UTP20: variants seen among roughly 807,000 people sequenced by gnomAD.
The protein encoded by UTP20 is small subunit processome component 20 homolog.
In UTP20, 164 loss-of-function variants were observed where a neutral mutation model predicts 329.5. The observed-to-expected ratio is 0.50, with a 90% CI of 0.44 to 0.57. The LOEUF is 0.57. Ranked by LOEUF, UTP20 falls within the 20% of genes least tolerant of loss-of-function variation. The pLI is 0.00. For missense variants in UTP20, 3,055 were observed against 3,284.2 expected (o/e 0.93, Z 1.71); for synonymous variants, 1,151 against 1,159.3 (o/e 0.99, Z 0.14).
At chr12:101,365,373 C>A in intron 45 of UTP20, 86 bp from the exon 46 acceptor site, 1 of 956,724 alleles carries the variant, frequency 1.0e-6, no homozygotes, top group South Asian at 1.9e-5. Context: ...TATTAGAAAG[C>A]TAATATATAA....
intron 14 of UTP20, among the ~76,000 whole-genome samples, chr12:101,300,985 G>A (rs1225303646): frequency 6.6e-6 from 1 of 152,066 alleles, no homozygotes; most frequent in Non-Finnish European, 1.5e-5. Context: ...GACAGTAAAT[G>A]TTTTAGGTCT....
chr12:101,359,883 G>A (rs1869856534), intron 43 of UTP20, among the ~76,000 whole-genome samples: 2 of 152,116 alleles, frequency 1.3e-5, no homozygotes, highest in South Asian at 2.1e-4. Context: ...CCAATGAATG[G>A]AGAGGAAGCT....
intron 54 of UTP20, 27 bp downstream of exon 54, chr12:101,373,794 A>G (rs1385748263): frequency 6.2e-7 from 1 of 1,601,790 alleles, no homozygotes; most frequent in African/African-American, 1.4e-5. Context: ...GTCACAGTTC[A>G]GTGACAAGTC....
chr12:101,303,699 C>G (rs1872584829), intron 15 of UTP20, among the ~76,000 whole-genome samples: 2 of 152,102 alleles, frequency 1.3e-5, no homozygotes, highest in Non-Finnish European at 2.9e-5. Context: ...GGCTTTTACT[C>G]TGAATGAAAG....
In UTP20 at chr12:101,286,490, G is replaced by A. The variant is rs1871965589; in HGVS notation, c.496G>A (p.Asp166Asn). The change falls in exon 5 of 62, where the codon GAC becomes AAC. Residue 166 changes from aspartate to asparagine, a missense_variant. By Grantham distance (23) the Asp-to-Asn change is conservative. Coordinates refer to ENST00000261637, the MANE Select transcript of UTP20 (RefSeq NM_014503.3). ...GTACCTGTGGAGACTGATGGTGAAG[G>A]ACATGTCCAGTATATACAGGTAACC... ...YKYLWRLMVK[D>N]MSSIYSMYST... The A allele has an allele frequency of 1.2e-6, 2 of 1,611,904 alleles. No homozygotes were observed. The highest frequency in any genetic ancestry group is 2.7e-5 in the African/African-American group (2 of 74,802).
At chr12:101,351,569 G>A (rs898694086) in intron 38 of UTP20, among the ~76,000 whole-genome samples, 1 of 131,328 alleles carries the variant, frequency 7.6e-6, no homozygotes, top group African/African-American at 2.9e-5. Context: ...CAGGGTACAT[G>A]TGCAGGATGT....
chr12:101,293,230 G>A lies in UTP20; in HGVS notation c.1236G>A (p.Met412Ile), dbSNP rs1872227533. 2.5e-6 allele frequency: 4 copies of A among 1,614,026 alleles called. No homozygotes were observed. The highest frequency in any genetic ancestry group is 3.4e-6 in the Non-Finnish European group (4 of 1,180,000). The change falls in exon 11 of 62, where the codon ATG becomes ATA. Residue 412 changes from methionine (M) to isoleucine (I), a missense_variant. By Grantham distance (10) the Met-to-Ile change is conservative (BLOSUM62 1). Around this residue, in one of 3 missense-constraint regions of UTP20, gnomAD observed 2,445 missense variants for 2,575.5 expected, o/e 0.95. Transcript: ENST00000261637. ...GTTTTTCTGAAGTCATGTTTGCCAT[G>A]AAGCAGTTTGAGCAGGTAAGCAAGT... ...IFSFSEVMFA[M>I]KQFEQLFLPS... is the part of the protein sequence containing the mutation.
intron 25 of UTP20, among the ~76,000 whole-genome samples, chr12:101,321,832 C>T (rs1347364665): frequency 6.6e-6 from 1 of 151,792 alleles, no homozygotes; most frequent in Non-Finnish European, 1.5e-5. Flanking sequence ...GCAGCCTAGA[C>T]CTCCCAGGCT....
Position 101,386,043 on chromosome 12 carries a change from AAGAT to A in UTP20, c.8282_8285del (p.Ile2761SerfsTer17), listed in dbSNP as rs777224698. 6.8e-6 allele frequency: 11 copies of A among 1,610,196 alleles called. No homozygotes were observed. Among genetic ancestry groups the A allele is most frequent in the African/African-American group, 1.3e-5 (1 of 74,478 alleles). ...AAATAAAAGTGAAGCAAAGAAGAGAAAGATAGAGTTCCTGCGTCCAGGATATAAG... is the reference window on the plus strand; with the variant it reads ...AAATAAAAGTGAAGCAAAGAAGAGAAAGAGTTCCTGCGTCCAGGATATAAG... On this transcript the variant is annotated frameshift_variant, in exon 62 of 62. Transcript: ENST00000261637. LOFTEE classifies it high-confidence loss of function.
intron 17 of UTP20, 90 bp downstream of exon 17, chr12:101,306,851 A>G: frequency 7.8e-7 from 1 of 1,277,866 alleles, no homozygotes; most frequent in South Asian, 1.4e-5. Flanking sequence ...GCAGAAAATT[A>G]ACACACTATA....
At chr12:101,333,103 C>T (rs1868813184) in intron 27 of UTP20, among the ~76,000 whole-genome samples, 198 bp from the exon 28 acceptor site, 1 of 152,182 alleles carries the variant, frequency 6.6e-6, no homozygotes. Flanking sequence ...TGTTTTAAGA[C>T]TCTGCTTTCT....
chr12:101,369,345 T>G (rs1870204094), intron 48 of UTP20, among the ~76,000 whole-genome samples: 1 of 152,138 alleles, frequency 6.6e-6, no homozygotes, highest in African/African-American at 2.4e-5. Context: ...TGGCTGGGCA[T>G]GGTGGCTCAG....
Position 101,357,021 on chromosome 12 carries a change from G to T in UTP20, c.5630G>T (p.Gly1877Val). The T allele has an allele frequency of 6.2e-7, 1 of 1,613,952 alleles. No individual in the cohort carries two copies. The highest frequency in any genetic ancestry group is 8.5e-7 in the Non-Finnish European group (1 of 1,179,892). Residue 1877 changes from glycine (G) to valine (V), a missense_variant, in exon 43 of 62, where the codon GGT becomes GTT. Gly to Val is a moderately radical substitution (Grantham distance 109). This residue lies in a region of UTP20 where 2,445 missense variants were observed against 2,575.5 expected (regional missense o/e 0.95). Coordinates refer to ENST00000261637, the MANE Select transcript of UTP20 (RefSeq NM_014503.3). ...STLAKIIEDLGVHFLLYVLKE... is the reference protein window; with the variant it reads ...STLAKIIEDLVVHFLLYVLKE... ...CTTGCGAAAATAATAGAGGATCTTG[G>T]TGTGCACTTCCTCCTATATGTTTTA...
intron 2 of UTP20, among the ~76,000 whole-genome samples, chr12:101,281,746 C>T (rs1220357310): frequency 6.6e-6 from 1 of 152,122 alleles, no homozygotes; most frequent in African/African-American, 2.4e-5. Context: ...CGCTCCGTCT[C>T]CAGGTTGGAG....
intron 44 of UTP20, 105 bp from the exon 45 acceptor site, chr12:101,363,471 G>A: frequency 6.1e-6 from 6 of 976,824 alleles, no homozygotes; most frequent in Non-Finnish European, 8.6e-6. Flanking sequence ...AGTCCAACTT[G>A]CATTTCTTTG....
intron 7 of UTP20, among the ~76,000 whole-genome samples, 154 bp downstream of exon 7, chr12:101,290,428 A>C (rs918230938): frequency 1.3e-5 from 2 of 152,338 alleles, no homozygotes; most frequent in East Asian, 3.9e-4. Context: ...TACCCAATGT[A>C]GGCCTTGGAC....
rs532126343 is a variant in UTP20, at chr12:101,363,853, C to A, written c.5958+110C>A. On this transcript the variant is annotated intron_variant, in intron 45 of 61. Transcript: ENST00000261637. ...ACTGTTCTTGATCACCCATGATTTCCTTTGGTGATAGGGCCCCAGGACCAT... is the reference window on the plus strand; with the variant it reads ...ACTGTTCTTGATCACCCATGATTTCATTTGGTGATAGGGCCCCAGGACCAT... 4.1e-5 allele frequency: 30 copies of A among 732,764 alleles called. 1 individual carries two copies. The African/African-American group carries it at 4.6e-4, about 11-fold the overall frequency. The allele number at this position is 732,764 out of a possible 1,614,324, so 45.4% of individuals were successfully genotyped here.
intron 17 of UTP20, 150 bp downstream of exon 17, chr12:101,306,911 C>T (rs948099530): frequency 3.4e-5 from 23 of 685,690 alleles, no homozygotes; most frequent in South Asian, 5.6e-5. Context: ...CGGTGGCTCA[C>T]GCCTGTAATC....
At chr12:101,291,540 CAAA>C (rs34248827) in intron 8 of UTP20, 199 bp from the exon 9 acceptor site, 362 of 77,112 alleles carry the variant, frequency 4.7e-3, no homozygotes, top group Middle Eastern at 0.018. Context: ...AACTCCATCT[CAAA>C]AAAAAAAAAA....
Sources: allele counts gnomAD v4.1 joint callset (sites outside exome capture counted in the v4.1 genomes callset), GRCh38; gene constraint gnomAD v4.1.1; regional missense constraint gnomAD v4.1.1; transcripts MANE v1.5; gene names NCBI Gene and HGNC (gene_info 2026-07-23, HGNC 2026-07-21).